Variants in WRN observed in about 807,000 individuals in gnomAD.
WRN encodes the protein WRN RecQ like helicase, also known as bifunctional 3'-5' exonuclease/ATP-dependent helicase WRN.
Under a neutral mutation model 180.7 loss-of-function variants are expected in WRN, and 149 were observed. The observed-to-expected ratio is 0.82, with a 90% confidence interval of 0.72 to 0.94. The LOEUF (loss-of-function observed/expected upper bound fraction) is 0.94, where lower values mean the gene tolerates loss of function less well. Ranked by LOEUF, WRN falls within the 40% of genes least tolerant of loss-of-function variation. The pLI is 0.00. For synonymous variants in WRN, 548 were observed against 568.9 expected (o/e 0.96, Z 0.52); for missense variants, 1,661 against 1,700.1 (o/e 0.98, Z 0.40).
chr8:31,122,165 C>T (rs1003627309), intron 21 of WRN, among the ~76,000 whole-genome samples: 3 of 151,794 alleles, frequency 2.0e-5, no homozygotes, highest in African/African-American at 7.3e-5. Flanking sequence ...TGCCAGAAAC[C>T]CATACTTGAA....
chr8:31,084,992 T>C (rs180814117), intron 10 of WRN, among the ~76,000 whole-genome samples, 174 bp from the exon 11 acceptor site: 6 of 152,134 alleles, frequency 3.9e-5, no homozygotes, highest in African/African-American at 1.4e-4. Context: ...CTTTGTTCAT[T>C]CTTCTCTCTC....
Position 31,141,476 on chromosome 8 carries a change from G to A in WRN, c.3014G>A (p.Gly1005Asp), listed in dbSNP as rs1196153953. The part of the protein sequence containing the change: ...ADQYRRHSLF[G>D]TGKDQTESWW... ...CAATATCGCAGGCACAGTTTATTTGGCACTGGCAAGGATCAAACAGAGAGT... is the reference window on the plus strand; with the variant it reads ...CAATATCGCAGGCACAGTTTATTTGACACTGGCAAGGATCAAACAGAGAGT... The change falls in exon 25 of 35, where the codon GGC becomes GAC. Residue 1005 changes from glycine (G) to aspartate (D), a missense_variant. By Grantham distance (94) the Gly-to-Asp change is moderately conservative. Transcript: ENST00000298139. 10 of 1,613,908 alleles carry A rather than the reference G, an allele frequency of 6.2e-6. No homozygotes were observed. The highest frequency in any genetic ancestry group is 8.5e-6 in the Non-Finnish European group (10 of 1,180,030).
chr8:31,171,036 G>A (rs1804081809), intron 34 of WRN: 1 of 152,188 alleles, frequency 6.6e-6, no homozygotes, highest in African/African-American at 2.4e-5. Context: ...AGAATTCAGT[G>A]ATGTTATGTA....
chr8:31,152,307 G>T (rs1438682272), intron 31 of WRN, among the ~76,000 whole-genome samples: 1 of 151,628 alleles, frequency 6.6e-6, no homozygotes, highest in Non-Finnish European at 1.5e-5. Flanking sequence ...CTCCAGCCTG[G>T]GCGACAGAGC....
At chr8:31,089,233 A>G (rs1813651462) in intron 13 of WRN, among the ~76,000 whole-genome samples, 1 of 152,104 alleles carries the variant, frequency 6.6e-6, no homozygotes, top group African/African-American at 2.4e-5. Flanking sequence ...ATACTTATAA[A>G]TAAATGTTAA....
intron 19 of WRN, among the ~76,000 whole-genome samples, chr8:31,112,842 C>G (rs1801370976): frequency 6.6e-6 from 1 of 151,978 alleles, no homozygotes; most frequent in Non-Finnish European, 1.5e-5. Flanking sequence ...CCTGTGTTGG[C>G]CTTCCAAAGT....
rs1224898602 is a variant in WRN, at chr8:31,174,839, CCCTCCCTCCCT to C, written c.*1741_*1751del. 9.0e-5 allele frequency among the ~76,000 whole-genome samples: 6 copies of C among 66,716 alleles called. No homozygotes were observed. In the East Asian group the frequency reaches 1.8e-3, roughly 20 times the overall value. 43.8% of individuals were successfully genotyped at this position (66,716 alleles called of 152,430 possible). On this transcript the variant is annotated 3_prime_UTR_variant, in exon 35 of 35. Coordinates refer to ENST00000298139, the MANE Select transcript of WRN (RefSeq NM_000553.6). ...TTCCTTCCTCCCTCCCTCCCTCCCT[CCCTCCCTCCCT>C]CCTTTCTTTTTCTTTCTCTTTCTTT...
intron 30 of WRN, among the ~76,000 whole-genome samples, chr8:31,147,880 C>CAT: frequency 6.8e-6 from 1 of 146,142 alleles, no homozygotes; most frequent in Non-Finnish European, 1.5e-5. Flanking sequence ...TCTTCTTCTT[C>CAT]TTCATTTTTT....
chr8:31,132,766 A>G (rs1251626983), intron 24 of WRN, among the ~76,000 whole-genome samples: 2 of 152,198 alleles, frequency 1.3e-5, no homozygotes, highest in African/African-American at 2.4e-5. Flanking sequence ...TTAATTTATC[A>G]CATTGCATTT....
At chr8:31,154,003 TAAAA>T (rs1803260202) in intron 31 of WRN, among the ~76,000 whole-genome samples, 1 of 152,024 alleles carries the variant, frequency 6.6e-6, no homozygotes, top group Non-Finnish European at 1.5e-5. Flanking sequence ...TATGTGTAGT[TAAAA>T]AAATAGTTTT....
intron 23 of WRN, 23 bp from the exon 24 acceptor site, chr8:31,132,342 C>T (rs1158314115): frequency 6.2e-7 from 1 of 1,610,952 alleles, no homozygotes; most frequent in Non-Finnish European, 8.5e-7. Flanking sequence ...AAGCTTTCTT[C>T]AAATGTTATT....
chr8:31,064,562 G>A (rs951364909), intron 4 of WRN, 128 bp downstream of exon 4: 8 of 1,311,614 alleles, frequency 6.1e-6, no homozygotes, highest in Middle Eastern at 2.4e-4. Context: ...AAGTATTTAT[G>A]TTCTACCTGA....
Position 31,065,031 on chromosome 8 carries a change from T to C in WRN, c.472T>C (p.Phe158Leu), listed in dbSNP as rs746985833. ...TGACTTTGATATCAAATTGAAGAAT[T>C]TTGTGGAGTTGACAGATGTTGCCAA... Reference protein sequence around the residue: ...LRDFDIKLKNFVELTDVANKK... With the variant: ...LRDFDIKLKNLVELTDVANKK... Residue 158 changes from phenylalanine to leucine, a missense_variant, in exon 5 of 35, where the codon TTT (phenylalanine) becomes CTT (leucine). By Grantham distance (22) the Phe-to-Leu change is conservative (BLOSUM62 0). Around this residue, in one of 3 missense-constraint regions of WRN, gnomAD observed 500 missense variants for 504.1 expected, o/e 0.99. Transcript: ENST00000298139. 1.9e-6 allele frequency: 3 copies of C among 1,613,544 alleles called. No homozygotes were observed. In the South Asian group the frequency reaches 3.3e-5, roughly 18 times the overall value.
chr8:31,098,859 CA>C (rs2130215898), intron 17 of WRN, among the ~76,000 whole-genome samples: 1 of 152,238 alleles, frequency 6.6e-6, no homozygotes, highest in South Asian at 2.1e-4. Context: ...GCTAGTTTGT[CA>C]AACCTGTAAC....
intron 1 of WRN, among the ~76,000 whole-genome samples, chr8:31,055,810 A>G (rs1366672370): frequency 2.0e-5 from 3 of 152,238 alleles, no homozygotes; most frequent in Non-Finnish European, 4.4e-5. Flanking sequence ...TAGCGAGTAC[A>G]TATGTAAATA....
chr8:31,045,358 G>C (rs1049208612), intron 1 of WRN, among the ~76,000 whole-genome samples: 3 of 151,622 alleles, frequency 2.0e-5, no homozygotes, highest in African/African-American at 7.3e-5. Context: ...GATTAGACAT[G>C]CTATGTCTGA....
chr8:31,134,327 T>TTA (rs1294037269), intron 24 of WRN, among the ~76,000 whole-genome samples: 3 of 152,180 alleles, frequency 2.0e-5, no homozygotes, highest in Non-Finnish European at 4.4e-5. Flanking sequence ...TGGAGTTTAG[T>TTA]TAAAGAGATA....
At chr8:31,087,057 T>TA (rs1563342460) in intron 11 of WRN, among the ~76,000 whole-genome samples, 10 of 148,044 alleles carry the variant, frequency 6.8e-5, no homozygotes, top group African/African-American at 1.6e-4. Context: ...ATACTTTTTT[T>TA]TAAAAAAAAA....
At chr8:31,133,750 G>T (rs1440360955) in intron 24 of WRN, among the ~76,000 whole-genome samples, 1 of 152,164 alleles carries the variant, frequency 6.6e-6, no homozygotes, top group African/African-American at 2.4e-5. Flanking sequence ...TTTATAACAA[G>T]AATTTTAGTT....
Sources: gnomAD v4.1 joint callset for allele counts (sites outside exome capture counted in the v4.1 genomes callset) on GRCh38, gnomAD v4.1.1 for gene constraint, gnomAD v4.1.1 regional missense constraint, MANE v1.5 for transcripts, NCBI Gene and HGNC (gene_info 2026-07-23, HGNC 2026-07-21) for gene names.